Variants in HOMER1 observed in about 807,000 individuals in gnomAD.
HOMER1 encodes homer scaffold protein 1.
In HOMER1, 3 loss-of-function variants were observed where a neutral mutation model predicts 48.9. The ratio of observed to expected loss-of-function variants is 0.06; its 90% CI spans 0.03 to 0.16. The LOEUF (loss-of-function observed/expected upper bound fraction) is 0.16, where lower values mean the gene tolerates loss of function less well. Ranked by LOEUF, HOMER1 falls within the 10% of genes least tolerant of loss-of-function variation. HOMER1 has a pLI of 1.00. For missense variants in HOMER1, 247 were observed against 411.4 expected, an observed-to-expected ratio of 0.60 and a Z score of 3.46; for synonymous variants, 134 against 146.4, an observed-to-expected ratio of 0.92 and a Z score of 0.61.
chr5:79,443,873 ATAAGTAATG>A (rs1297478030), intron 4 of HOMER1, among the ~76,000 whole-genome samples: 1 of 152,224 alleles, frequency 6.6e-6, no homozygotes, highest in Non-Finnish European at 1.5e-5. Context: ...CAATGATTCT[ATAAGTAATG>A]TAATACTCAT....
chr5:79,479,883 T>C (rs1751899008), intron 1 of HOMER1, among the ~76,000 whole-genome samples: 2 of 152,220 alleles, frequency 1.3e-5, no homozygotes, highest in Admixed American at 1.3e-4. Context: ...AAAATCTTAA[T>C]AAAAGGAACT....
At chr5:79,479,351 A>C (rs1751881928) in intron 1 of HOMER1, among the ~76,000 whole-genome samples, 1 of 152,216 alleles carries the variant, frequency 6.6e-6, no homozygotes, top group Non-Finnish European at 1.5e-5. Context: ...GATTAAGTTA[A>C]GGATCTTGAG....
At position 79,513,975 on chromosome 5, in the gene HOMER1, TCAGCGCCCGCCTC is replaced by T. The variant is rs535985205; in HGVS notation, c.-1214_-1202del. 7.5e-3 allele frequency: 1,162 copies of T among 154,232 alleles called. 10 individuals are homozygous for T. The highest frequency in any genetic ancestry group is 0.022 in the African/African-American group (912 of 41,528). The allele number at this position is 154,232 out of a possible 1,614,324, so 9.6% of individuals were successfully genotyped here. ...CCGCCGCCGCCTCTTCACACTTCCA[TCAGCGCCCGCCTC>T]CGGCTACCGCCGGGCAGAGCAGCGC... On this transcript the variant is annotated 5_prime_UTR_variant, in exon 1 of 9. Transcript: ENST00000334082.
intron 1 of HOMER1, among the ~76,000 whole-genome samples, chr5:79,491,580 C>A (rs1752280939): frequency 6.6e-6 from 1 of 151,372 alleles, no homozygotes; most frequent in Non-Finnish European, 1.5e-5. Flanking sequence ...TTATGAGTTA[C>A]TGTGATACTG....
intron 8 of HOMER1, among the ~76,000 whole-genome samples, chr5:79,377,139 T>C (rs188631773): frequency 1.3e-5 from 2 of 152,306 alleles, no homozygotes; most frequent in East Asian, 1.9e-4. Context: ...CTAATTTTTA[T>C]ATTTTTAGTA....
chr5:79,379,115 A>T (rs371798480), intron 8 of HOMER1, among the ~76,000 whole-genome samples: 1,620 of 54,418 alleles, frequency 0.03, 56 homozygotes, highest in Middle Eastern at 0.048. Flanking sequence ...TATATATATA[A>T]AATATATAAA....
chr5:79,439,515 G>T (rs1198031399), intron 4 of HOMER1, among the ~76,000 whole-genome samples: 7 of 152,084 alleles, frequency 4.6e-5, no homozygotes, highest in Non-Finnish European at 8.8e-5. Flanking sequence ...AAGAAAAGAT[G>T]CACAAAAATG....
In HOMER1 at chr5:79,513,539, G is replaced by C. The variant is rs1031540217; in HGVS notation, c.-765C>G. 1.3e-5 allele frequency: 2 copies of C among 152,676 alleles called. No individual in the cohort carries two copies. Among genetic ancestry groups the C allele is most frequent in the East Asian group, 1.9e-4 (1 of 5,170 alleles). The allele number at this position is 152,676 out of a possible 1,614,324, so 9.5% of individuals were successfully genotyped here. A position where few individuals can be genotyped will look rare whatever the true frequency, so the allele number is the denominator to read the frequency against. On this transcript the variant is annotated 5_prime_UTR_variant, in exon 1 of 9. Transcript: ENST00000334082. ...CAGGCTGGGGGCGCAGCGCACGCCG[G>C]AGAGCTGGAGGAGGGGACCCGATCC...
In HOMER1 at chr5:79,512,878, A is replaced by C; in HGVS notation, c.-104T>G. ...ATTTCGCAGTTGCTTTTCCACCCCCACCCCCAGATCCTTGTCCGGAGGTAT... is the reference window on the plus strand; with the variant it reads ...ATTTCGCAGTTGCTTTTCCACCCCCCCCCCCAGATCCTTGTCCGGAGGTAT... On this transcript the variant is annotated 5_prime_UTR_variant, in exon 1 of 9. Coordinates refer to ENST00000334082, the MANE Select transcript of HOMER1 (RefSeq NM_004272.5). 1 of 1,018,686 alleles carries C rather than the reference A, an allele frequency of 9.8e-7. No homozygotes were observed. Among genetic ancestry groups the C allele is most frequent in the South Asian group, 1.3e-5 (1 of 75,916 alleles). 63.1% of individuals were successfully genotyped at this position (1,018,686 alleles called of 1,614,324 possible).
chr5:79,417,463 G>A (rs568774355), intron 5 of HOMER1, among the ~76,000 whole-genome samples: 20 of 152,244 alleles, frequency 1.3e-4, no homozygotes, highest in Non-Finnish European at 2.4e-4. Flanking sequence ...TTAAAAAACT[G>A]ACCATTGATT....
intron 5 of HOMER1, among the ~76,000 whole-genome samples, chr5:79,414,451 C>T (rs1488626457): frequency 6.6e-6 from 1 of 151,998 alleles, no homozygotes; most frequent in Non-Finnish European, 1.5e-5. Flanking sequence ...GCAAACATAG[C>T]TCACTGCAAC....
chr5:79,414,468 C>T (rs1749892479), intron 5 of HOMER1, among the ~76,000 whole-genome samples: 1 of 152,160 alleles, frequency 6.6e-6, no homozygotes, highest in Admixed American at 6.5e-5. Flanking sequence ...CAACTCTGAA[C>T]TCCTGGGCTC....
intron 8 of HOMER1, among the ~76,000 whole-genome samples, chr5:79,391,818 CAAT>C (rs1188325726): frequency 4.0e-5 from 6 of 151,324 alleles, no homozygotes; most frequent in Non-Finnish European, 8.8e-5. Flanking sequence ...TCAAAAAAGA[CAAT>C]GAGAAAGAAC....
At chr5:79,432,366 A>G (rs1227785788) in intron 5 of HOMER1, among the ~76,000 whole-genome samples, 2 of 152,222 alleles carry the variant, frequency 1.3e-5, no homozygotes, top group African/African-American at 4.8e-5. Flanking sequence ...ATGGCAAATG[A>G]CCACACCTGT....
chr5:79,479,638 C>T (rs1447419765), intron 1 of HOMER1, among the ~76,000 whole-genome samples: 1 of 152,154 alleles, frequency 6.6e-6, no homozygotes, highest in African/African-American at 2.4e-5. Flanking sequence ...AGTTAAACTG[C>T]TTTCGTACTT....
chr5:79,409,212 C>T (rs138129582), intron 5 of HOMER1, among the ~76,000 whole-genome samples: 4,285 of 151,918 alleles, frequency 0.028, 110 homozygotes, highest in Admixed American at 0.062. Context: ...GTGGGCAGAT[C>T]ACTTGAGGCC....
intron 5 of HOMER1, among the ~76,000 whole-genome samples, chr5:79,411,000 T>C (rs1160548662): frequency 6.6e-6 from 1 of 152,232 alleles, no homozygotes; most frequent in Non-Finnish European, 1.5e-5. Flanking sequence ...AACACCATTA[T>C]GATCTCACGT....
At chr5:79,485,644 A>T (rs1441755102) in intron 1 of HOMER1, among the ~76,000 whole-genome samples, 1 of 152,226 alleles carries the variant, frequency 6.6e-6, no homozygotes, top group Non-Finnish European at 1.5e-5. Flanking sequence ...AAAAAATTAC[A>T]AACTGTGGTA....
chr5:79,443,725 T>C (rs903737600), intron 4 of HOMER1, among the ~76,000 whole-genome samples: 1 of 152,156 alleles, frequency 6.6e-6, no homozygotes, highest in Non-Finnish European at 1.5e-5. Flanking sequence ...TCTCATTTTA[T>C]AGAGGAAGAA....
Sources: gnomAD v4.1 joint callset for allele counts (sites outside exome capture counted in the v4.1 genomes callset) on GRCh38, gnomAD v4.1.1 for gene constraint, MANE v1.5 for transcripts, NCBI Gene and HGNC (gene_info 2026-07-23, HGNC 2026-07-21) for gene names.